The following NOS1AP variants were observed in gnomAD, a reference collection of about 807,000 sequenced individuals.
The protein encoded by NOS1AP is nitric oxide synthase 1 adaptor protein, also known as carboxyl-terminal PDZ ligand of neuronal nitric oxide synthase protein.
Under a neutral mutation model 56.2 loss-of-function variants are expected in NOS1AP, and 21 were observed. The ratio of observed to expected loss-of-function variants is 0.37; its 90% CI spans 0.26 to 0.54. The LOEUF is 0.54. Ranked by LOEUF, NOS1AP falls within the 20% of genes least tolerant of loss-of-function variation. The pLI is 0.84. For synonymous variants in NOS1AP, 270 were observed against 274.6 expected, an observed-to-expected ratio of 0.98 and a Z score of 0.17; for missense variants, 522 against 657.8, an observed-to-expected ratio of 0.79 and a Z score of 2.26.
At chr1:162,246,478 T>G (rs1313524484) in intron 2 of NOS1AP, among the ~76,000 whole-genome samples, 2 of 152,182 alleles carry the variant, frequency 1.3e-5, no homozygotes, top group African/African-American at 4.8e-5. Context: ...TGCTGGCTGT[T>G]ATGGTGTGAG....
intron 4 of NOS1AP, chr1:162,316,979 C>A: frequency 6.1e-6 from 1 of 162,696 alleles, no homozygotes; most frequent in Non-Finnish European, 1.3e-5. Flanking sequence ...CATCTCTTGT[C>A]TCATTTGTTG....
intron 4 of NOS1AP, among the ~76,000 whole-genome samples, chr1:162,331,711 G>A (rs1416197949): frequency 6.6e-6 from 1 of 152,182 alleles, no homozygotes; most frequent in Non-Finnish European, 1.5e-5. Flanking sequence ...TTGCAGAAAT[G>A]ATGTGGCCTC....
chr1:162,094,329 A>AT (rs1298255660), intron 1 of NOS1AP, among the ~76,000 whole-genome samples: 1 of 152,164 alleles, frequency 6.6e-6, no homozygotes, highest in Non-Finnish European at 1.5e-5. Context: ...AAGACAGCAG[A>AT]TGGACTGGTA....
intron 1 of NOS1AP, among the ~76,000 whole-genome samples, chr1:162,126,277 C>T (rs1465733395): frequency 2.0e-5 from 3 of 152,246 alleles, no homozygotes; most frequent in African/African-American, 7.2e-5. Context: ...ATTTCTTTCT[C>T]TTGCCTGATT....
intron 4 of NOS1AP, among the ~76,000 whole-genome samples, chr1:162,324,139 T>C (rs1168034515): frequency 2.3e-5 from 2 of 87,846 alleles, no homozygotes; most frequent in Admixed American, 1.4e-4. Context: ...GGGAGGGAAG[T>C]TGTGTCTCTG....
In NOS1AP at chr1:162,248,025, G is replaced by A. The variant is rs200055086; in HGVS notation, c.178-39319G>A. Among the ~76,000 whole-genome samples, 16 of 152,106 alleles carry A rather than the reference G, an allele frequency of 1.1e-4. No individual in the cohort carries two copies. In the East Asian group the frequency reaches 2.3e-3, roughly 22 times the overall value. Reference sequence around the variant, plus strand: ...TGGTCGTGTGTGGTGGCTCACACCTGTAATCCCAGCACCTTGGGAGGCTGA... The same window carrying A: ...TGGTCGTGTGTGGTGGCTCACACCTATAATCCCAGCACCTTGGGAGGCTGA... On this transcript the variant is annotated intron_variant, in intron 2 of 9. Coordinates refer to ENST00000361897, the MANE Select transcript of NOS1AP (RefSeq NM_014697.3).
At chr1:162,167,085 C>A (rs1178595517) in intron 2 of NOS1AP, among the ~76,000 whole-genome samples, 7 of 152,190 alleles carry the variant, frequency 4.6e-5, no homozygotes, top group Non-Finnish European at 1.0e-4. Flanking sequence ...CTGTTCCTTA[C>A]TCTCTCTTCC....
chr1:162,231,282 TTC>T (rs1230863486), intron 2 of NOS1AP, among the ~76,000 whole-genome samples: 2 of 152,248 alleles, frequency 1.3e-5, no homozygotes, highest in Non-Finnish European at 1.5e-5. Flanking sequence ...TTTGGGTGTC[TTC>T]TTTGAAGAAA....
At chr1:162,278,908 C>T (rs886610363) in intron 2 of NOS1AP, among the ~76,000 whole-genome samples, 1 of 152,132 alleles carries the variant, frequency 6.6e-6, no homozygotes, top group Non-Finnish European at 1.5e-5. Flanking sequence ...CTGCCAGGAA[C>T]GTTGTTTAAT....
intron 4 of NOS1AP, 66 bp from the exon 5 acceptor site, chr1:162,332,951 C>CT: frequency 8.9e-7 from 1 of 1,120,996 alleles, no homozygotes; most frequent in East Asian, 2.3e-5. Flanking sequence ...TTAAACAGAG[C>CT]TTTCCTGGTT....
chr1:162,127,388 C>T (rs1648536798), intron 1 of NOS1AP, among the ~76,000 whole-genome samples: 2 of 152,132 alleles, frequency 1.3e-5, no homozygotes, highest in African/African-American at 4.8e-5. Flanking sequence ...TACACATAAA[C>T]ACCGTTTTAC....
At chr1:162,247,476 C>T (rs1246529828) in intron 2 of NOS1AP, among the ~76,000 whole-genome samples, 1 of 152,146 alleles carries the variant, frequency 6.6e-6, no homozygotes, top group South Asian at 2.1e-4. Flanking sequence ...GTAGGCCCCA[C>T]CTGGCAACTT....
chr1:162,236,601 C>T (rs2101675556), intron 2 of NOS1AP, among the ~76,000 whole-genome samples: 1 of 152,124 alleles, frequency 6.6e-6, no homozygotes, highest in South Asian at 2.1e-4. Flanking sequence ...CCCTCTAGTC[C>T]CCTCTCTCCT....
intron 2 of NOS1AP, among the ~76,000 whole-genome samples, chr1:162,275,642 T>A (rs1395713209): frequency 6.6e-6 from 1 of 152,232 alleles, no homozygotes; most frequent in East Asian, 1.9e-4. Flanking sequence ...ACATCACAGA[T>A]TGTTTTTCCT....
chr1:162,150,072 C>G (rs1328015113), intron 1 of NOS1AP, among the ~76,000 whole-genome samples: 1 of 152,110 alleles, frequency 6.6e-6, no homozygotes, highest in East Asian at 1.9e-4. Flanking sequence ...AATACTAGAT[C>G]TTACTCATTT....
chr1:162,269,512 G>T (rs965581434), intron 2 of NOS1AP, among the ~76,000 whole-genome samples: 13 of 152,064 alleles, frequency 8.5e-5, no homozygotes, highest in South Asian at 2.1e-4. Flanking sequence ...TAATGTAATT[G>T]GTTGCAACTG....
At chr1:162,080,973 G>A (rs1318992891) in intron 1 of NOS1AP, among the ~76,000 whole-genome samples, 4 of 152,114 alleles carry the variant, frequency 2.6e-5, no homozygotes, top group African/African-American at 4.8e-5. Context: ...CTTGCTCATG[G>A]TCTACATCTA....
At chr1:162,289,087 T>C (rs1347591491) in intron 3 of NOS1AP, among the ~76,000 whole-genome samples, 1 of 152,190 alleles carries the variant, frequency 6.6e-6, no homozygotes, top group Non-Finnish European at 1.5e-5. Context: ...TTTTGTCACA[T>C]GTGTAAGATT....
intron 1 of NOS1AP, among the ~76,000 whole-genome samples, chr1:162,107,588 C>T (rs1164284362): frequency 6.6e-6 from 1 of 152,196 alleles, no homozygotes; most frequent in Non-Finnish European, 1.5e-5. Flanking sequence ...AAGCATTCCT[C>T]CTGCCTTGGC....
Sources: allele counts gnomAD v4.1 joint callset (sites outside exome capture counted in the v4.1 genomes callset), GRCh38; gene constraint gnomAD v4.1.1; transcripts MANE v1.5; gene names NCBI Gene and HGNC (gene_info 2026-07-23, HGNC 2026-07-21).